The following RBPJ variants were observed in gnomAD, a reference collection of about 807,000 sequenced individuals.
The protein encoded by RBPJ is recombination signal binding protein for immunoglobulin kappa J region.
In RBPJ, 9 loss-of-function variants were observed where a neutral mutation model predicts 67.8. The ratio of observed to expected loss-of-function variants is 0.13; its 90% CI spans 0.08 to 0.23. The LOEUF is 0.23. Ranked by LOEUF, RBPJ falls within the 10% of genes least tolerant of loss-of-function variation. The pLI is 1.00. For missense variants in RBPJ, 305 were observed against 595.6 expected (o/e 0.51, Z 5.08); for synonymous variants, 198 against 203.3 (o/e 0.97, Z 0.22).
chr4:26,271,056 T>G (rs995589596), intron 1 of RBPJ, among the ~76,000 whole-genome samples: 2 of 152,298 alleles, frequency 1.3e-5, no homozygotes, highest in African/African-American at 4.8e-5. Flanking sequence ...TTAAATCTCT[T>G]TCTGTGCCTA....
intron 1 of RBPJ, among the ~76,000 whole-genome samples, chr4:26,211,570 A>G (rs1487548102): frequency 2.6e-5 from 4 of 152,170 alleles, no homozygotes; most frequent in Admixed American, 2.0e-4. Context: ...ACCATCATCA[A>G]TTTATCATAA....
At chr4:26,215,356 A>AGAGAGAGAAAGAAAGAAAGAAAAAAGG (rs1718673891) in intron 1 of RBPJ, among the ~76,000 whole-genome samples, 1 of 96,290 alleles carries the variant, frequency 1.0e-5, no homozygotes, top group East Asian at 3.2e-4. Context: ...AGAAAAAAAG[A>AGAGAGAGAAAGAAAGAAAGAAAAAAGG]AGGAAGGAAG....
intron 1 of RBPJ, among the ~76,000 whole-genome samples, chr4:26,255,764 T>A (rs1255356280): frequency 7.0e-6 from 1 of 143,160 alleles, no homozygotes; most frequent in Non-Finnish European, 1.5e-5. Flanking sequence ...ATCGTGCCAC[T>A]GCACTCCAGC....
rs771999207 is a variant in RBPJ, at chr4:26,321,044, A to C, written c.16A>C (p.Thr6Pro). 6.2e-7 allele frequency: 1 copy of C among 1,611,382 alleles called. No homozygotes were observed. The highest frequency in any genetic ancestry group is 1.1e-5 in the South Asian group (1 of 91,024). ...TTTGTGGAAGATGGCGCCTGTTGTG[A>C]CAGGGTAAGTCTGAGGGAATCGGAG... MAPVV[T>P]GKFGERPPPK... is the part of the protein sequence containing the mutation. The change falls in exon 1 of 11, where the codon ACA (threonine) becomes CCA (proline). Residue 6 changes from threonine (T) to proline (P), a missense_variant. Transcript: ENST00000355476.
intron 1 of RBPJ, among the ~76,000 whole-genome samples, chr4:26,259,491 T>A (rs1195086487): frequency 6.6e-6 from 1 of 152,222 alleles, no homozygotes. Context: ...TTGTGCTTTG[T>A]CTTCAGGATT....
At chr4:26,261,677 C>T (rs1720543023) in intron 1 of RBPJ, among the ~76,000 whole-genome samples, 1 of 152,210 alleles carries the variant, frequency 6.6e-6, no homozygotes, top group African/African-American at 2.4e-5. Context: ...TTGTATTATA[C>T]TTTTGAAATT....
chr4:26,382,775 A>G lies in RBPJ; in HGVS notation c.21-3578A>G, dbSNP rs571853921. On this transcript the variant is annotated intron_variant, in intron 1 of 10. Transcript: ENST00000355476. ...AGGCTGGTCTTGAACTCCTGTGCTC[A>G]CGCAGTCCACCCACCTTGGCCTCCC... 6.6e-5 allele frequency among the ~76,000 whole-genome samples: 10 copies of G among 152,324 alleles called. No individual in the cohort carries two copies. In the East Asian group the frequency reaches 1.9e-3, roughly 29 times the overall value.
At chr4:26,109,683 TAC>T in the RBPJ span, among the ~76,000 whole-genome samples, 6 of 93,032 alleles carry the variant, frequency 6.4e-5, no homozygotes, top group South Asian at 4.0e-4. Context: ...TATATATATA[TAC>T]AGCCACTGTG....
chr4:26,398,249 A>G (rs1317178354), intron 2 of RBPJ, among the ~76,000 whole-genome samples: 1 of 152,168 alleles, frequency 6.6e-6, no homozygotes, highest in Non-Finnish European at 1.5e-5. Flanking sequence ...TGGACCTCCC[A>G]TCTTTGTGGT....
At chr4:26,367,181 C>T (rs187664963) in intron 1 of RBPJ, among the ~76,000 whole-genome samples, 8 of 151,040 alleles carry the variant, frequency 5.3e-5, no homozygotes, top group South Asian at 2.1e-4. Flanking sequence ...TGATGATGCA[C>T]GCTAAAACCT....
At chr4:26,354,445 AT>A (rs1727140379) in intron 1 of RBPJ, among the ~76,000 whole-genome samples, 1 of 138,870 alleles carries the variant, frequency 7.2e-6, no homozygotes, top group South Asian at 2.3e-4. Context: ...TGGCAAAAAG[AT>A]TTCTGTTTTT....
chr4:26,327,661 A>G (rs963845353), intron 1 of RBPJ, among the ~76,000 whole-genome samples: 3 of 151,302 alleles, frequency 2.0e-5, no homozygotes, highest in African/African-American at 7.3e-5. Flanking sequence ...AGTTTCTCAT[A>G]AAAAGTTTAC....
chr4:26,209,185 C>T (rs1398510597), intron 1 of RBPJ, among the ~76,000 whole-genome samples: 1 of 151,780 alleles, frequency 6.6e-6, no homozygotes, highest in Non-Finnish European at 1.5e-5. Context: ...TGTCAACTGG[C>T]TTGCAAAATG....
At chr4:26,378,701 T>G (rs534172318) in intron 1 of RBPJ, among the ~76,000 whole-genome samples, 14 of 152,252 alleles carry the variant, frequency 9.2e-5, no homozygotes, top group African/African-American at 3.4e-4. Flanking sequence ...GTTTTTTAAT[T>G]GAAAAAGGTA....
chr4:26,311,985 A>G (rs1414615451), intron 1 of RBPJ, among the ~76,000 whole-genome samples: 1 of 152,118 alleles, frequency 6.6e-6, no homozygotes, highest in African/African-American at 2.4e-5. Flanking sequence ...AGAATCTCTG[A>G]GCACCCTGTT....
chr4:26,200,099 T>A (rs75494696), intron 1 of RBPJ, among the ~76,000 whole-genome samples: 3,861 of 152,210 alleles, frequency 0.025, 69 homozygotes, highest in Middle Eastern at 0.068. Flanking sequence ...AAGGGCAGAG[T>A]CTGCAGACCT....
intron 1 of RBPJ, among the ~76,000 whole-genome samples, chr4:26,255,310 A>G (rs1189673491): frequency 1.7e-4 from 21 of 123,528 alleles, no homozygotes; most frequent in Non-Finnish European, 2.6e-4. Flanking sequence ...AGGCTGAGGC[A>G]GGAGAATGGC....
At chr4:26,355,564 G>A (rs1326655850) in intron 1 of RBPJ, among the ~76,000 whole-genome samples, 1 of 151,918 alleles carries the variant, frequency 6.6e-6, no homozygotes, top group Non-Finnish European at 1.5e-5. Context: ...TGAGCCCCAG[G>A]AGTTCAGGGC....
At chr4:26,320,790 C>G (rs1382137277), upstream of RBPJ, 1 of 1,555,730 alleles carries the variant, frequency 6.4e-7, no homozygotes, top group Non-Finnish European at 8.7e-7. Flanking sequence ...CGCGGAGGAG[C>G]CGCCTGCGCA....
Sources: gnomAD v4.1 joint callset for allele counts (sites outside exome capture counted in the v4.1 genomes callset) on GRCh38, gnomAD v4.1.1 for gene constraint, MANE v1.5 for transcripts, NCBI Gene and HGNC (gene_info 2026-07-23, HGNC 2026-07-21) for gene names.